The following MEF2C variants were observed in gnomAD, a reference collection of about 807,000 sequenced individuals.
The protein encoded by MEF2C is myocyte-specific enhancer factor 2C.
Under a neutral mutation model 50.5 loss-of-function variants are expected in MEF2C, and 6 were observed. The observed-to-expected ratio is 0.12, with a 90% CI of 0.07 to 0.23. MEF2C has a LOEUF of 0.23. MEF2C is among the 10% of genes least tolerant of loss of function. The pLI is 1.00. For missense variants in MEF2C, 276 were observed against 605.0 expected (o/e 0.46, Z 5.70); for synonymous variants, 183 against 228.0 (o/e 0.80, Z 1.78).
At chr5:88,780,757 G>C in intron 3 of MEF2C, 3 of 985,070 alleles carry the variant, frequency 3.0e-6, no homozygotes, top group Non-Finnish European at 3.6e-6. Flanking sequence ...TTTTGTGTCA[G>C]AAGAGAAACT....
chr5:88,839,484 T>C (rs1395242716), intron 1 of MEF2C: 2 of 152,162 alleles, frequency 1.3e-5, no homozygotes, highest in Non-Finnish European at 2.9e-5. Flanking sequence ...GGACTTCTGG[T>C]AAACAGGAAA....
At chr5:88,802,397 C>A (rs1798736298) in intron 3 of MEF2C, among the ~76,000 whole-genome samples, 1 of 152,156 alleles carries the variant, frequency 6.6e-6, no homozygotes, top group Admixed American at 6.5e-5. Flanking sequence ...CAAATATCCA[C>A]CTATCAAAAA....
intron 1 of MEF2C, among the ~76,000 whole-genome samples, chr5:88,836,485 C>A (rs1815146380): frequency 6.6e-6 from 1 of 152,124 alleles, no homozygotes; most frequent in Admixed American, 6.6e-5. Context: ...TTCTTTATCT[C>A]TTTTTCCACA....
At chr5:88,784,102 T>C (rs993639911) in intron 3 of MEF2C, among the ~76,000 whole-genome samples, 1 of 152,234 alleles carries the variant, frequency 6.6e-6, no homozygotes, top group South Asian at 2.1e-4. Context: ...ATTGCTGTAT[T>C]AATTTCTTTG....
At chr5:88,810,853 A>G (rs1219891837) in intron 2 of MEF2C, among the ~76,000 whole-genome samples, 1 of 152,122 alleles carries the variant, frequency 6.6e-6, no homozygotes, top group Admixed American at 6.6e-5. Context: ...GAGCAAACCC[A>G]GTAGGTGATA....
At chr5:88,821,741 G>C (rs1298543233) in intron 2 of MEF2C, among the ~76,000 whole-genome samples, 4 of 151,766 alleles carry the variant, frequency 2.6e-5, no homozygotes, top group Admixed American at 2.6e-4. Context: ...TAGACTGATG[G>C]TTACTATAGG....
chr5:88,772,890 T>G, intron 3 of MEF2C: 1 of 985,442 alleles, frequency 1.0e-6, no homozygotes, highest in South Asian at 4.7e-5. Flanking sequence ...ACAAACACAC[T>G]TAGATGCTAA....
intron 1 of MEF2C, among the ~76,000 whole-genome samples, chr5:88,832,471 A>G (rs571844496): frequency 6.6e-6 from 1 of 152,108 alleles, no homozygotes; most frequent in East Asian, 1.9e-4. Context: ...CATATGCCCA[A>G]TTGTAAGTTC....
intron 1 of MEF2C, among the ~76,000 whole-genome samples, chr5:88,852,072 A>G (rs17559660): frequency 0.04 from 6,057 of 152,276 alleles, 184 homozygotes; most frequent in South Asian, 0.058. Context: ...ATTCCTAAGC[A>G]CTATAGTGAC....
chr5:88,885,321 G>A (rs553473226), upstream of MEF2C, among the ~76,000 whole-genome samples: 4 of 152,118 alleles, frequency 2.6e-5, no homozygotes, highest in African/African-American at 9.7e-5. Flanking sequence ...AAAGGGGAAG[G>A]TTTATTTTAT....
At chr5:88,792,506 A>C (rs1354290416) in intron 3 of MEF2C, among the ~76,000 whole-genome samples, 1 of 152,208 alleles carries the variant, frequency 6.6e-6, no homozygotes, top group Non-Finnish European at 1.5e-5. Flanking sequence ...TATATTGAAG[A>C]ATTAATTTTG....
At chr5:88,821,897 G>A (rs1422356448) in intron 2 of MEF2C, among the ~76,000 whole-genome samples, 1 of 151,808 alleles carries the variant, frequency 6.6e-6, no homozygotes, top group African/African-American at 2.4e-5. Flanking sequence ...ATATTTGAAA[G>A]TAATTAAAAG....
At chr5:88,819,165 G>A (rs1180184663) in intron 2 of MEF2C, among the ~76,000 whole-genome samples, 1 of 151,832 alleles carries the variant, frequency 6.6e-6, no homozygotes, top group African/African-American at 2.4e-5. Flanking sequence ...TAAAAACTAT[G>A]CCTCTTAGCC....
chr5:88,760,223 A>G (rs1308206388), intron 4 of MEF2C, among the ~76,000 whole-genome samples: 2 of 152,250 alleles, frequency 1.3e-5, no homozygotes, highest in Non-Finnish European at 2.9e-5. Context: ...CTTTCCTCCT[A>G]TATATGTGGA....
upstream of MEF2C, among the ~76,000 whole-genome samples, chr5:88,883,973 A>C (rs1422641704): frequency 6.6e-6 from 1 of 152,248 alleles, no homozygotes; most frequent in Non-Finnish European, 1.5e-5. Flanking sequence ...TCCATTCCTG[A>C]CATTTTGCTA....
chr5:88,825,009 C>T (rs1010935524), intron 1 of MEF2C: 1 of 151,934 alleles, frequency 6.6e-6, no homozygotes, highest in East Asian at 1.9e-4. Flanking sequence ...TATTCTACTT[C>T]GTTTTAGGTC....
chr5:88,879,148 A>T (rs1388877535), intron 1 of MEF2C, among the ~76,000 whole-genome samples: 2 of 151,974 alleles, frequency 1.3e-5, no homozygotes, highest in East Asian at 3.9e-4. Flanking sequence ...GTTTACATTT[A>T]TGGGTGACTC....
At chr5:88,766,406 AT>A (rs1223705805) in intron 3 of MEF2C, among the ~76,000 whole-genome samples, 13 of 152,126 alleles carry the variant, frequency 8.5e-5, no homozygotes, top group African/African-American at 3.1e-4. Context: ...TATTTAAAAA[AT>A]TTTTTCCTTT....
chr5:88,761,698 T>C (rs1461651228), intron 3 of MEF2C: 4 of 183,008 alleles, frequency 2.2e-5, no homozygotes, highest in Admixed American at 5.9e-5. Context: ...AATCAGGACA[T>C]TACACAATGA....
Sources: gnomAD v4.1 joint callset for allele counts (sites outside exome capture counted in the v4.1 genomes callset) on GRCh38, gnomAD v4.1.1 for gene constraint, MANE v1.5 for transcripts, NCBI Gene and HGNC (gene_info 2026-07-23, HGNC 2026-07-21) for gene names.